MECOM: variants seen among roughly 807,000 people sequenced by gnomAD.
MECOM encodes histone-lysine N-methyltransferase MECOM.
In MECOM, 13 loss-of-function variants were observed where a neutral mutation model predicts 116.3. That is an observed-to-expected ratio of 0.11 (90% CI 0.07 to 0.18). MECOM has a LOEUF of 0.18. Among genes scored for constraint, MECOM ranks in the 10% least tolerant of loss-of-function variants. MECOM has a pLI of 1.00. For missense variants in MECOM, 1,299 were observed against 1,509.0 expected, an observed-to-expected ratio of 0.86 and a Z score of 2.31; for synonymous variants, 528 against 535.2, an observed-to-expected ratio of 0.99 and a Z score of 0.19.
rs189295879 is a variant in MECOM, at chr3:169,546,679, G to T, written c.37+116657C>A. Among the ~76,000 whole-genome samples the T allele has an allele frequency of 4.6e-5, 7 of 152,244 alleles. No homozygotes were observed. In the East Asian group the frequency reaches 1.3e-3, roughly 29 times the overall value. ...ACATGAGACAAGTTAGTACAAACTG[G>T]CTATTAGGTGTTCTACTTCCCCATC... On this transcript the variant is annotated intron_variant, in intron 1 of 16. Transcript: ENST00000651503.
chr3:169,574,168 T>C (rs1307022309), intron 1 of MECOM, among the ~76,000 whole-genome samples: 3 of 152,182 alleles, frequency 2.0e-5, no homozygotes, highest in South Asian at 2.1e-4. Flanking sequence ...ATTACCCTTA[T>C]GCATAAGAAA....
intron 2 of MECOM, among the ~76,000 whole-genome samples, chr3:169,379,332 A>C (rs1448529519): frequency 6.6e-6 from 1 of 152,094 alleles, no homozygotes; most frequent in Non-Finnish European, 1.5e-5. Context: ...AAAGCTACTG[A>C]ATTGGCCATC....
At chr3:169,267,776 A>C (rs1232315451) in intron 2 of MECOM, among the ~76,000 whole-genome samples, 1 of 151,758 alleles carries the variant, frequency 6.6e-6, no homozygotes, top group Non-Finnish European at 1.5e-5. Context: ...TTTTTTTCAG[A>C]GTCCAACAGT....
At chr3:169,196,254 A>G (rs980371147) in intron 2 of MECOM, among the ~76,000 whole-genome samples, 11 of 152,012 alleles carry the variant, frequency 7.2e-5, no homozygotes, top group Admixed American at 1.3e-4. Context: ...CAGACATTCT[A>G]TATTTCCTCC....
At chr3:169,366,889 A>G (rs1183203948) in intron 2 of MECOM, among the ~76,000 whole-genome samples, 1 of 152,052 alleles carries the variant, frequency 6.6e-6, no homozygotes, top group African/African-American at 2.4e-5. Flanking sequence ...TGACTGGCCA[A>G]TAGCCATAGA....
Position 169,169,836 on chromosome 3 carries a change from C to CTTT in MECOM, c.376-26007_376-26005dup, listed in dbSNP as rs77967621. ...ATATGAGAGCAGTTCTACAGTTCTACTTTTTTTTTTTTTTCCCATGGGAAA... is the reference window on the plus strand; with the variant it reads ...ATATGAGAGCAGTTCTACAGTTCTACTTTTTTTTTTTTTTTTTCCCATGGGAAA... On this transcript the variant is annotated intron_variant, in intron 2 of 16. Coordinates refer to ENST00000651503, the MANE Select transcript of MECOM (RefSeq NM_004991.4). Among the ~76,000 whole-genome samples, 25 of 144,806 alleles carry CTTT rather than the reference C, an allele frequency of 1.7e-4. No homozygotes were observed. In the East Asian group the frequency reaches 2.0e-3, roughly 12 times the overall value. The allele number at this position is 144,806 out of a possible 152,430, so 95.0% of individuals were successfully genotyped here.
intron 2 of MECOM, among the ~76,000 whole-genome samples, chr3:169,264,358 C>T (rs1436094140): frequency 6.6e-6 from 1 of 152,004 alleles, no homozygotes; most frequent in African/African-American, 2.4e-5. Context: ...CTGTTTTCTC[C>T]CTTCTTTTAC....
chr3:169,514,115 A>C (rs188203802), intron 1 of MECOM, among the ~76,000 whole-genome samples: 1 of 152,286 alleles, frequency 6.6e-6, no homozygotes, highest in Admixed American at 6.5e-5. Context: ...TCATAAGAAA[A>C]CCATGTCGGT....
chr3:169,396,114 C>T lies in MECOM; in HGVS notation c.38-14590G>A, dbSNP rs76591724. ...TTAGTGATAAAGAATTCTTACTGAC[C>T]TGATAGAATCATTTTTCATAACATC... On this transcript the variant is annotated intron_variant, in intron 1 of 16. Coordinates refer to ENST00000651503, the MANE Select transcript of MECOM (RefSeq NM_004991.4). Among the ~76,000 whole-genome samples the T allele has an allele frequency of 9.3e-3, 1,414 of 152,186 alleles. 27 individuals are homozygous for T. The highest frequency in any genetic ancestry group is 0.033 in the African/African-American group (1,359 of 41,526).
intron 11 of MECOM, among the ~76,000 whole-genome samples, chr3:169,101,667 C>G (rs190057650): frequency 6.6e-6 from 1 of 152,022 alleles, no homozygotes; most frequent in African/African-American, 2.4e-5. Flanking sequence ...CACTTATGGA[C>G]CTTACTTCTC....
At chr3:169,163,944 G>A (rs1445652004) in intron 2 of MECOM, among the ~76,000 whole-genome samples, 1 of 152,096 alleles carries the variant, frequency 6.6e-6, no homozygotes, top group African/African-American at 2.4e-5. Context: ...TCTATGCTGT[G>A]TACTAGTAAT....
chr3:169,173,539 G>A (rs1420453571), intron 2 of MECOM, among the ~76,000 whole-genome samples: 2 of 152,022 alleles, frequency 1.3e-5, no homozygotes, highest in Non-Finnish European at 2.9e-5. Flanking sequence ...TCTTTCTCTG[G>A]CTTGTACTAT....
chr3:169,313,514 A>C (rs921711664), intron 2 of MECOM, among the ~76,000 whole-genome samples: 8 of 152,218 alleles, frequency 5.3e-5, no homozygotes, highest in Non-Finnish European at 1.0e-4. Flanking sequence ...ATGGGATCCC[A>C]TGTACATGGA....
At chr3:169,146,857 A>G in intron 2 of MECOM, 1 of 1,042,816 alleles carries the variant, frequency 9.6e-7, no homozygotes, top group Non-Finnish European at 1.2e-6. Context: ...CAACATTTAG[A>G]GATGTTTAAA....
At chr3:169,334,512 T>C (rs1458816698) in intron 2 of MECOM, among the ~76,000 whole-genome samples, 1 of 152,138 alleles carries the variant, frequency 6.6e-6, no homozygotes, top group Non-Finnish European at 1.5e-5. Context: ...GTTTTAAAAC[T>C]CCTCAGGTGA....
intron 2 of MECOM, among the ~76,000 whole-genome samples, chr3:169,202,819 CAAAAAAAAAAAAAA>C (rs11287862): frequency 2.2e-5 from 2 of 90,284 alleles, no homozygotes; most frequent in Non-Finnish European, 4.6e-5. Context: ...TTGCCATTAG[CAAAAAAAAAAAAAA>C]AAAAAAAAGA....
At chr3:169,446,969 T>C (rs1372350996) in intron 1 of MECOM, among the ~76,000 whole-genome samples, 1 of 152,190 alleles carries the variant, frequency 6.6e-6, no homozygotes, top group Non-Finnish European at 1.5e-5. Context: ...TTTTCAGTTA[T>C]TTTTTTCAGT....
At chr3:169,153,400 A>G (rs1416833866) in intron 2 of MECOM, among the ~76,000 whole-genome samples, 4 of 152,232 alleles carry the variant, frequency 2.6e-5, no homozygotes, top group Admixed American at 1.3e-4. Context: ...TTTTTATTTT[A>G]TAAAAGATAA....
intron 2 of MECOM, among the ~76,000 whole-genome samples, chr3:169,176,100 G>A (rs1745115504): frequency 2.6e-5 from 1 of 39,130 alleles, no homozygotes; most frequent in South Asian, 1.0e-3. Context: ...ACTAATGATA[G>A]CTGATGAGAA....
Sources: allele counts gnomAD v4.1 joint callset (sites outside exome capture counted in the v4.1 genomes callset), GRCh38; gene constraint gnomAD v4.1.1; transcripts MANE v1.5; gene names NCBI Gene and HGNC (gene_info 2026-07-23, HGNC 2026-07-21).